IGSF21: variants seen among roughly 807,000 people sequenced by gnomAD.
IGSF21 encodes the protein immunoglobulin superfamily member 21.
A neutral mutation model predicts 46.8 loss-of-function variants in IGSF21; 28 were observed. The observed-to-expected ratio is 0.60, with a 90% CI of 0.44 to 0.82. The LOEUF is 0.82. IGSF21 is among the 40% of genes least tolerant of loss of function. The pLI, the probability that IGSF21 is intolerant of heterozygous loss-of-function variation, is 0.00. For synonymous variants in IGSF21, 284 were observed against 273.6 expected (o/e 1.04, Z -0.38); for missense variants, 624 against 665.5 (o/e 0.94, Z 0.69).
chr1:18,327,417 C>A (rs2085668075), intron 3 of IGSF21, among the ~76,000 whole-genome samples: 1 of 152,188 alleles, frequency 6.6e-6, no homozygotes, highest in South Asian at 2.1e-4. Flanking sequence ...CAGCACCTCT[C>A]CCTGGGCTAA....
At chr1:18,181,489 C>T (rs2086857741) in intron 1 of IGSF21, among the ~76,000 whole-genome samples, 1 of 152,142 alleles carries the variant, frequency 6.6e-6, no homozygotes, top group African/African-American at 2.4e-5. Flanking sequence ...TGAGATAATA[C>T]ATGCTTCTGG....
intron 2 of IGSF21, among the ~76,000 whole-genome samples, chr1:18,289,204 G>A (rs991698089): frequency 3.3e-5 from 5 of 152,174 alleles, no homozygotes; most frequent in Admixed American, 6.5e-5. Context: ...AAGGGCTGCC[G>A]CATTTTAGGA....
At chr1:18,158,005 ACTAGGAATATC>A (rs2086583566) in intron 1 of IGSF21, among the ~76,000 whole-genome samples, 1 of 152,128 alleles carries the variant, frequency 6.6e-6, no homozygotes, top group African/African-American at 2.4e-5. Context: ...CCTCCATTAC[ACTAGGAATATC>A]CTAGTATAGG....
At chr1:18,287,942 C>A (rs1429331679) in intron 2 of IGSF21, among the ~76,000 whole-genome samples, 1 of 152,144 alleles carries the variant, frequency 6.6e-6, no homozygotes, top group East Asian at 1.9e-4. Context: ...CAGAAAGAGC[C>A]CTGGAGGGTG....
At chr1:18,179,675 A>G (rs1326878136) in intron 1 of IGSF21, among the ~76,000 whole-genome samples, 1 of 152,046 alleles carries the variant, frequency 6.6e-6, no homozygotes, top group East Asian at 1.9e-4. Context: ...GAGCCAGGGA[A>G]GCAGGAACTG....
intron 1 of IGSF21, among the ~76,000 whole-genome samples, chr1:18,193,394 G>A (rs890825274): frequency 4.6e-5 from 7 of 151,834 alleles, no homozygotes; most frequent in African/African-American, 1.7e-4. Flanking sequence ...AGAATTAATG[G>A]AATATATATA....
intron 1 of IGSF21, among the ~76,000 whole-genome samples, chr1:18,186,771 G>C (rs1166134714): frequency 1.3e-5 from 2 of 152,076 alleles, no homozygotes; most frequent in Non-Finnish European, 2.9e-5. Context: ...CTTTGCATAT[G>C]CCTTTCCTGC....
At chr1:18,113,978 T>A (rs575647437) in intron 1 of IGSF21, 2 of 152,318 alleles carry the variant, frequency 1.3e-5, no homozygotes, top group South Asian at 4.2e-4. Flanking sequence ...TTCTCATTGG[T>A]TACATTTTTT....
chr1:18,222,967 C>T (rs1206545653), intron 1 of IGSF21, among the ~76,000 whole-genome samples: 2 of 152,176 alleles, frequency 1.3e-5, no homozygotes, highest in African/African-American at 4.8e-5. Flanking sequence ...CCTTGCCTGG[C>T]ACATCTGTTG....
At chr1:18,128,105 C>G (rs760311253) in intron 1 of IGSF21, among the ~76,000 whole-genome samples, 1 of 152,138 alleles carries the variant, frequency 6.6e-6, no homozygotes, top group African/African-American at 2.4e-5. Context: ...ACTTACTACT[C>G]GTTTATCCAA....
intron 1 of IGSF21, among the ~76,000 whole-genome samples, chr1:18,205,472 C>T (rs2084308914): frequency 6.6e-6 from 1 of 152,072 alleles, no homozygotes; most frequent in Non-Finnish European, 1.5e-5. Context: ...TTCCTTGACT[C>T]CCTCTTATCT....
chr1:18,177,405 G>GGGGA (rs1490202037), intron 1 of IGSF21, among the ~76,000 whole-genome samples: 1 of 146,506 alleles, frequency 6.8e-6, no homozygotes, highest in Non-Finnish European at 1.5e-5. Flanking sequence ...GTGTGTGTGT[G>GGGGA]TGTGTGTGTG....
At chr1:18,251,893 G>A (rs1053501130) in intron 2 of IGSF21, among the ~76,000 whole-genome samples, 2 of 152,092 alleles carry the variant, frequency 1.3e-5, no homozygotes, top group African/African-American at 4.8e-5. Context: ...CTATGGCTAA[G>A]CAGTAGGCCC....
At chr1:18,232,195 T>C (rs2084634222) in intron 2 of IGSF21, among the ~76,000 whole-genome samples, 1 of 77,708 alleles carries the variant, frequency 1.3e-5, no homozygotes. Context: ...CTCATATAGA[T>C]AAGCTCCAGA....
chr1:18,305,982 C>T (rs776682565), intron 3 of IGSF21, among the ~76,000 whole-genome samples: 21 of 152,196 alleles, frequency 1.4e-4, no homozygotes, highest in Admixed American at 2.6e-4. Context: ...CTTTCCAGCT[C>T]ACAACTTAGG....
chr1:18,115,834 GAAGGAAGGAAGA>G (rs1196289256), intron 1 of IGSF21: 55 of 92,916 alleles, frequency 5.9e-4, no homozygotes, highest in African/African-American at 2.5e-3. Context: ...AGGAAGGAAG[GAAGGAAGGAAGA>G]AAGAAAGAAA....
chr1:18,233,661 C>T (rs2084648249), intron 2 of IGSF21, among the ~76,000 whole-genome samples: 1 of 152,116 alleles, frequency 6.6e-6, no homozygotes, highest in South Asian at 2.1e-4. Context: ...CTTACAGGAT[C>T]TAGAGAGGGA....
At chr1:18,152,757 A>T (rs577501855) in intron 1 of IGSF21, among the ~76,000 whole-genome samples, 1 of 152,198 alleles carries the variant, frequency 6.6e-6, no homozygotes, top group Non-Finnish European at 1.5e-5. Context: ...CCAACTAAGG[A>T]CAGCTCCCCA....
At chr1:18,115,259 T>A (rs1006320141) in intron 1 of IGSF21, 2 of 152,412 alleles carry the variant, frequency 1.3e-5, no homozygotes, top group Non-Finnish European at 2.9e-5. Flanking sequence ...ACATCCTCCC[T>A]CCACAGCCCC....
Sources: allele counts gnomAD v4.1 joint callset (sites outside exome capture counted in the v4.1 genomes callset), GRCh38; gene constraint gnomAD v4.1.1; transcripts MANE v1.5; gene names NCBI Gene and HGNC (gene_info 2026-07-23, HGNC 2026-07-21).